The following IPO9 variants were observed in gnomAD, a reference collection of about 807,000 sequenced individuals.
The protein encoded by IPO9 is importin 9.
Under a neutral mutation model 128.6 loss-of-function variants are expected in IPO9, and 28 were observed. That is an observed-to-expected ratio of 0.22 (90% CI 0.16 to 0.30). The LOEUF (loss-of-function observed/expected upper bound fraction) is 0.30. Ranked by LOEUF, IPO9 falls within the 10% of genes least tolerant of loss-of-function variation. The pLI is 1.00. For synonymous variants in IPO9, 455 were observed against 475.8 expected (o/e 0.96, Z 0.57); for missense variants, 935 against 1,293.9 (o/e 0.72, Z 4.26).
rs1160541755 is a variant in IPO9, at chr1:201,878,601, C to T, written c.*2547C>T. ...CCCTAGTAACACTTAAGGGCTACCC[C>T]TGGCTAACAGATACTCGGCTGTGGG... On this transcript the variant is annotated 3_prime_UTR_variant, in exon 24 of 24. Transcript: ENST00000361565. 2 of 152,608 alleles carry T rather than the reference C, an allele frequency of 1.3e-5. No individual in the cohort carries two copies. The highest frequency in any genetic ancestry group is 1.3e-4 in the Admixed American group (2 of 15,274). The allele number at this position is 152,608 out of a possible 1,614,324, so 9.5% of individuals were successfully genotyped here.
rs200399237 is a variant in IPO9, at chr1:201,883,175, C to CG, written c.*7121_*7122insG. On this transcript the variant is annotated 3_prime_UTR_variant, in exon 24 of 24. Coordinates refer to ENST00000361565, the MANE Select transcript of IPO9 (RefSeq NM_018085.5). ...ATTAATTTGCTTTCACTAGATTCCC[C>CG]CCCCCCCAACAACTTAGTCCAAGAA... The CG allele has an allele frequency of 5.6e-3, 816 of 146,388 alleles. 15 individuals are homozygous for CG. Among genetic ancestry groups the CG allele is most frequent in the Non-Finnish European group, 6.6e-3 (436 of 66,024 alleles). The allele number at this position is 146,388 out of a possible 1,614,324, so 9.1% of individuals were successfully genotyped here. A position where few individuals can be genotyped will look rare whatever the true frequency, so the allele number is the denominator to read the frequency against.
In IPO9 at chr1:201,869,571, T is replaced by C. The variant is rs757126019; in HGVS notation, c.2005-19T>C. On this transcript the variant is annotated intron_variant, in intron 16 of 23. Coordinates refer to ENST00000361565, the MANE Select transcript of IPO9 (RefSeq NM_018085.5). The stretch of plus-strand genomic sequence containing the variant: ...ACCCCAGAGGCAATTCTGACTTTTC[T>C]TTTTCTTCTCTCTTTCAGACAGCCA... 1 of 1,613,624 alleles carries C rather than the reference T, an allele frequency of 6.2e-7. No homozygotes were observed. Among genetic ancestry groups the C allele is most frequent in the Admixed American group, 1.7e-5 (1 of 60,002 alleles).
chr1:201,843,355 G>T (rs1158937997), intron 1 of IPO9, among the ~76,000 whole-genome samples: 1 of 152,070 alleles, frequency 6.6e-6, no homozygotes, highest in Admixed American at 6.6e-5. Flanking sequence ...TTGCAGCCCT[G>T]GTCCTAAGAC....
chr1:201,853,047 A>G lies in IPO9; in HGVS notation c.640A>G (p.Ile214Val). 1 of 1,614,006 alleles carries G rather than the reference A, an allele frequency of 6.2e-7. No homozygotes were observed. The highest frequency in any genetic ancestry group is 2.2e-5 in the East Asian group (1 of 44,864). Residue 214 changes from isoleucine (I) to valine (V), a missense_variant, in exon 6 of 24, where the codon ATT becomes GTT. Coordinates refer to ENST00000361565, the MANE Select transcript of IPO9 (RefSeq NM_018085.5). Reference sequence around the variant, plus strand: ...TCGAACCCGTTCCCGAGCCGTGGAGATTTTTACCACTTGTGCCCATATGAT... The same window carrying G: ...TCGAACCCGTTCCCGAGCCGTGGAGGTTTTTACCACTTGTGCCCATATGAT... ...GIRTRSRAVE[I>V]FTTCAHMICN...
In IPO9 at chr1:201,868,521, G is replaced by A. The variant is rs1003836317; in HGVS notation, c.1856-127G>A. 1.0e-5 allele frequency: 10 copies of A among 958,160 alleles called. No homozygotes were observed. The South Asian group carries it at 1.3e-4, about 13-fold the overall frequency. The allele number at this position is 958,160 out of a possible 1,614,324, so 59.4% of individuals were successfully genotyped here. A position where few individuals can be genotyped will look rare whatever the true frequency, so the allele number is the denominator to read the frequency against. On this transcript the variant is annotated intron_variant, in intron 15 of 23. Coordinates refer to ENST00000361565, the MANE Select transcript of IPO9 (RefSeq NM_018085.5). ...ATTCATGTGGCCCCACTAGGTCCCGGGTATGTGATAAGTAATCAATGCAGA... is the reference window on the plus strand; with the variant it reads ...ATTCATGTGGCCCCACTAGGTCCCGAGTATGTGATAAGTAATCAATGCAGA...
intron 1 of IPO9, among the ~76,000 whole-genome samples, chr1:201,835,294 A>G (rs1679903238): frequency 6.6e-6 from 1 of 152,172 alleles, no homozygotes; most frequent in Non-Finnish European, 1.5e-5. Flanking sequence ...TTTATCCTCC[A>G]TGCTCTCCTT....
intron 2 of IPO9, 65 bp downstream of exon 2, chr1:201,847,405 G>C: frequency 6.6e-7 from 1 of 1,512,738 alleles, no homozygotes; most frequent in Non-Finnish European, 9.1e-7. Context: ...CTTTCTTATA[G>C]GAAAGAAAAA....
chr1:201,842,625 A>G (rs982544902), intron 1 of IPO9, among the ~76,000 whole-genome samples: 8 of 152,204 alleles, frequency 5.3e-5, no homozygotes, highest in South Asian at 2.1e-4. Flanking sequence ...GAAGTAGAAG[A>G]CCAAATACAT....
At chr1:201,868,196 C>T (rs1322588543) in intron 15 of IPO9, among the ~76,000 whole-genome samples, 1 of 152,094 alleles carries the variant, frequency 6.6e-6, no homozygotes, top group Non-Finnish European at 1.5e-5. Flanking sequence ...GAGAGTTCTT[C>T]ATGTCTACCG....
intron 16 of IPO9, among the ~76,000 whole-genome samples, chr1:201,869,250 A>AAAAG (rs1007264462): frequency 2.0e-5 from 3 of 152,224 alleles, no homozygotes; most frequent in East Asian, 3.9e-4. Context: ...GACTGCCTCA[A>AAAAG]AAAGAAAGAA....
chr1:201,852,182 C>T lies in IPO9; in HGVS notation c.593C>T (p.Thr198Ile). The change falls in exon 5 of 24, where the codon ACC becomes ATC. Residue 198 changes from threonine (T) to isoleucine (I), a missense_variant. Around this residue, in one of 3 missense-constraint regions of IPO9, gnomAD observed 741 missense variants for 1,019.1 expected, o/e 0.73. Coordinates refer to ENST00000361565, the MANE Select transcript of IPO9 (RefSeq NM_018085.5). ...VILPEMYKIF[T>I]MAEVYGIRTR... is the part of the protein sequence containing the mutation. ...CTCCCAGAGATGTATAAGATCTTCA[C>T]CATGGCTGAGGTATGAAATCTCAGC... 6.2e-7 allele frequency: 1 copy of T among 1,607,028 alleles called. No individual in the cohort carries two copies. Among genetic ancestry groups the T allele is most frequent in the Non-Finnish European group, 8.5e-7 (1 of 1,173,760 alleles).
At chr1:201,851,555 T>C (rs916404668) in intron 4 of IPO9, among the ~76,000 whole-genome samples, 27 of 151,992 alleles carry the variant, frequency 1.8e-4, no homozygotes, top group African/African-American at 6.0e-4. Flanking sequence ...TTTTGTCACA[T>C]TTATATAGAA....
At chr1:201,858,653 T>C (rs1680378784) in intron 12 of IPO9, 100 bp downstream of exon 12, 1 of 886,390 alleles carries the variant, frequency 1.1e-6, no homozygotes, top group African/African-American at 1.7e-5. Flanking sequence ...GAAAATCTGG[T>C]TTTAATTTAA....
chr1:201,855,034 G>A, intron 8 of IPO9, 90 bp from the exon 9 acceptor site: 9 of 1,302,086 alleles, frequency 6.9e-6, no homozygotes, highest in South Asian at 1.3e-5. Flanking sequence ...TTTTTAAGGT[G>A]TCTACTTTTA....
intron 1 of IPO9, among the ~76,000 whole-genome samples, chr1:201,831,885 T>TTG (rs1679839573): frequency 1.3e-5 from 2 of 150,698 alleles, no homozygotes; most frequent in Admixed American, 6.6e-5. Flanking sequence ...GTTTTTTGCT[T>TTG]TTGTTGTTGT....
At chr1:201,847,729 A>G in intron 3 of IPO9, 91 bp downstream of exon 3, 1 of 902,670 alleles carries the variant, frequency 1.1e-6, no homozygotes, top group South Asian at 1.4e-5. Flanking sequence ...GCATGGAGCA[A>G]TCAAAAGACT....
At position 201,868,656 on chromosome 1, in the gene IPO9, G is replaced by A. The variant is rs750583638; in HGVS notation, c.1864G>A (p.Val622Ile). 4.3e-6 allele frequency: 7 copies of A among 1,613,334 alleles called. No homozygotes were observed. Among genetic ancestry groups the A allele is most frequent in the Non-Finnish European group, 5.9e-6 (7 of 1,179,726 alleles). The change falls in exon 16 of 24, where the codon GTC (valine) becomes ATC (isoleucine). Residue 622 changes from valine (V) to isoleucine (I), a missense_variant. By Grantham distance (29) the Val-to-Ile change is conservative (BLOSUM62 3). This residue lies in a region of IPO9 where 741 missense variants were observed against 1,019.1 expected (regional missense o/e 0.73). Coordinates refer to ENST00000361565, the MANE Select transcript of IPO9 (RefSeq NM_018085.5). ...IFLKYSNDPV[V>I]ASLAQDIFKE... ...TGCCTTATCCACTTCAGATCCCGTC[G>A]TCGCCTCACTGGCTCAGGACATCTT...
At position 201,876,550 on chromosome 1, in the gene IPO9, G is replaced by A; in HGVS notation, c.*496G>A. ...CACTGCTGCTCTGGGTTCTCAGGAGGAACAGGCAAGAGCAGCTTCATTCTA... is the reference window on the plus strand; with the variant it reads ...CACTGCTGCTCTGGGTTCTCAGGAGAAACAGGCAAGAGCAGCTTCATTCTA... On this transcript the variant is annotated 3_prime_UTR_variant, in exon 24 of 24. Coordinates refer to ENST00000361565, the MANE Select transcript of IPO9 (RefSeq NM_018085.5). 6 of 214,832 alleles carry A rather than the reference G, an allele frequency of 2.8e-5. No homozygotes were observed. The South Asian group carries it at 4.4e-4, about 16-fold the overall frequency. The allele number at this position is 214,832 out of a possible 1,614,324, so 13.3% of individuals were successfully genotyped here. A position where few individuals can be genotyped will look rare whatever the true frequency, so the allele number is the denominator to read the frequency against.
At position 201,873,904 on chromosome 1, in the gene IPO9, A is replaced by C. The variant is rs532891423; in HGVS notation, c.2711-346A>C. Among the ~76,000 whole-genome samples, 5 of 152,306 alleles carry C rather than the reference A, an allele frequency of 3.3e-5. No individual in the cohort carries two copies. In the South Asian group the frequency reaches 1.0e-3, roughly 32 times the overall value. ...TGCAGGTAGGGAGTATAGAGCTGCT[A>C]TCTTTAATGTAGATTTATAATTACC... On this transcript the variant is annotated intron_variant, in intron 20 of 23. Coordinates refer to ENST00000361565, the MANE Select transcript of IPO9 (RefSeq NM_018085.5).
Sources: gnomAD v4.1 joint callset for allele counts (sites outside exome capture counted in the v4.1 genomes callset) on GRCh38, gnomAD v4.1.1 for gene constraint, gnomAD v4.1.1 regional missense constraint, MANE v1.5 for transcripts, NCBI Gene and HGNC (gene_info 2026-07-23, HGNC 2026-07-21) for gene names.